The following RORA variants were observed in gnomAD, a reference collection of about 807,000 sequenced individuals.
RORA encodes nuclear receptor ROR-alpha.
In RORA, 7 loss-of-function variants were observed where a neutral mutation model predicts 69.5. The ratio of observed to expected loss-of-function variants is 0.10; its 90% CI spans 0.06 to 0.19. The LOEUF (loss-of-function observed/expected upper bound fraction) is 0.19, where lower values mean the gene tolerates loss of function less well. RORA is among the 10% of genes least tolerant of loss of function. The probability of loss-of-function intolerance (pLI) is 1.00; values close to 1 mark genes in which losing one functional copy is unlikely to be tolerated. For missense variants in RORA, 457 were observed against 663.0 expected (o/e 0.69, Z 3.41); for synonymous variants, 261 against 240.8 (o/e 1.08, Z -0.78).
chr15:60,756,221 G>C (rs1296962269), intron 1 of RORA, among the ~76,000 whole-genome samples: 1 of 152,222 alleles, frequency 6.6e-6, no homozygotes, highest in Non-Finnish European at 1.5e-5. Flanking sequence ...AGCAGAGTTT[G>C]GCATCACCTA....
At chr15:61,078,766 G>GCTATCTAT (rs148557298) in intron 1 of RORA, among the ~76,000 whole-genome samples, 1,686 of 150,306 alleles carry the variant, frequency 0.011, 22 homozygotes, top group African/African-American at 0.016. Context: ...GGAGGGTATG[G>GCTATCTAT]CTATCTATCT....
chr15:60,604,376 C>T (rs1264040182), intron 2 of RORA, among the ~76,000 whole-genome samples: 2 of 152,150 alleles, frequency 1.3e-5, no homozygotes, highest in Admixed American at 6.5e-5. Flanking sequence ...TTTGTAAACA[C>T]AAAATCCTCC....
At chr15:60,620,651 C>T (rs1461112307) in intron 2 of RORA, among the ~76,000 whole-genome samples, 1 of 152,198 alleles carries the variant, frequency 6.6e-6, no homozygotes, top group African/African-American at 2.4e-5. Context: ...GTGACAGTAT[C>T]TTCCAGGAGA....
At chr15:61,123,294 G>A (rs759979196) in intron 1 of RORA, among the ~76,000 whole-genome samples, 1 of 152,070 alleles carries the variant, frequency 6.6e-6, no homozygotes, top group Non-Finnish European at 1.5e-5. Context: ...TGAGGCGAGG[G>A]GGGAGCAGGG....
At chr15:60,822,257 A>G (rs2072902846) in intron 1 of RORA, among the ~76,000 whole-genome samples, 1 of 152,200 alleles carries the variant, frequency 6.6e-6, no homozygotes, top group African/African-American at 2.4e-5. Context: ...TTGCAAAGGA[A>G]GAAGTTGTAG....
intron 1 of RORA, among the ~76,000 whole-genome samples, chr15:60,968,696 T>G (rs1240497023): frequency 6.6e-6 from 1 of 152,196 alleles, no homozygotes; most frequent in Non-Finnish European, 1.5e-5. Flanking sequence ...ACTGAGCCAT[T>G]TGAGAGTAAT....
At chr15:61,218,995 T>C (rs918166975) in intron 1 of RORA, among the ~76,000 whole-genome samples, 1 of 152,186 alleles carries the variant, frequency 6.6e-6, no homozygotes, top group Non-Finnish European at 1.5e-5. Flanking sequence ...GCACTAAGCA[T>C]GAGATGCTCA....
chr15:61,013,248 ATCT>A (rs570914703), intron 1 of RORA, among the ~76,000 whole-genome samples: 6 of 152,364 alleles, frequency 3.9e-5, no homozygotes, highest in South Asian at 4.1e-4. Flanking sequence ...AGCTCGTCAC[ATCT>A]TCTTGTAAAT....
At chr15:61,126,308 T>C (rs2079142096) in intron 1 of RORA, among the ~76,000 whole-genome samples, 1 of 152,358 alleles carries the variant, frequency 6.6e-6, no homozygotes, top group Admixed American at 6.5e-5. Flanking sequence ...GTACACATGG[T>C]GAAATGATTA....
rs1374036770 is a variant in RORA at position 60,665,765 on chromosome 15, C to G, written c.196+12892G>C. On this transcript the variant is annotated intron_variant, in intron 2 of 10. Transcript: ENST00000335670. ...TCTCAGCTCACTGCAACCTCCATCT[C>G]CCGGGTTCAAGCAATTCTCGTGCCT... Among the ~76,000 whole-genome samples the G allele has an allele frequency of 4.6e-5, 7 of 152,226 alleles. No homozygotes were observed. In the South Asian group the frequency reaches 1.5e-3, roughly 32 times the overall value.
At chr15:60,919,303 G>A (rs1306390797) in intron 1 of RORA, among the ~76,000 whole-genome samples, 4 of 152,196 alleles carry the variant, frequency 2.6e-5, no homozygotes, top group Non-Finnish European at 5.9e-5. Context: ...AACTGCAGGA[G>A]ACCCCTCGTT....
chr15:61,222,851 T>G (rs977954095), intron 1 of RORA, among the ~76,000 whole-genome samples: 1 of 152,220 alleles, frequency 6.6e-6, no homozygotes, highest in African/African-American at 2.4e-5. Context: ...TAGAGTTTCC[T>G]AACTTTCAGG....
chr15:60,744,362 T>C (rs150265413), intron 1 of RORA, among the ~76,000 whole-genome samples: 4,131 of 152,314 alleles, frequency 0.027, 126 homozygotes, highest in African/African-American at 0.071. Flanking sequence ...TAGAAACAGC[T>C]GTGTCGTTTG....
chr15:60,742,898 G>C (rs561371709), intron 1 of RORA, among the ~76,000 whole-genome samples: 1 of 152,014 alleles, frequency 6.6e-6, no homozygotes, highest in Non-Finnish European at 1.5e-5. Flanking sequence ...TTATTTGATG[G>C]ACACTTAGGT....
rs1373507739 is a variant in RORA at position 60,531,694 on chromosome 15, T to C, written c.282+72A>G. 2.5e-6 allele frequency: 2 copies of C among 787,160 alleles called. No homozygotes were observed. Among genetic ancestry groups the C allele is most frequent in the East Asian group, 5.9e-5 (2 of 34,106 alleles). 48.8% of individuals were successfully genotyped at this position (787,160 alleles called of 1,614,324 possible). A position where few individuals can be genotyped will look rare whatever the true frequency, so the allele number is the denominator to read the frequency against. The stretch of plus-strand genomic sequence containing the variant: ...AAGGAGTTGAATTTTAAGACATAAG[T>C]GGAGACATACAAATCACAAAGATAT... On this transcript the variant is annotated intron_variant, in intron 3 of 10. Coordinates refer to ENST00000335670, the MANE Select transcript of RORA (RefSeq NM_134261.3). The surrounding 1 kb of genome is among the most constrained non-coding windows in gnomAD (Gnocchi z 4.8).
At chr15:60,720,463 A>G (rs760209425) in intron 1 of RORA, among the ~76,000 whole-genome samples, 23 of 152,354 alleles carry the variant, frequency 1.5e-4, no homozygotes, top group Non-Finnish European at 2.8e-4. Flanking sequence ...GTCACCTTTT[A>G]TCAAGGGTAC....
At chr15:61,026,542 C>T (rs1416506680) in intron 1 of RORA, among the ~76,000 whole-genome samples, 3 of 152,036 alleles carry the variant, frequency 2.0e-5, no homozygotes, top group African/African-American at 7.2e-5. Flanking sequence ...CAATCTTTGA[C>T]ACTATTTTAT....
chr15:61,099,208 C>G (rs2078842718), intron 1 of RORA, among the ~76,000 whole-genome samples: 1 of 152,182 alleles, frequency 6.6e-6, no homozygotes, highest in South Asian at 2.1e-4. Flanking sequence ...CTGTTCATAA[C>G]TGACTGTTTA....
At chr15:60,774,117 A>G (rs1436320608) in intron 1 of RORA, among the ~76,000 whole-genome samples, 5 of 152,140 alleles carry the variant, frequency 3.3e-5, no homozygotes, top group African/African-American at 1.2e-4. Context: ...CCTGACTCAG[A>G]CTGGAGGACC....
Sources: gnomAD v4.1 joint callset for allele counts (sites outside exome capture counted in the v4.1 genomes callset) on GRCh38, gnomAD v4.1.1 for gene constraint, Gnocchi (gnomAD v3.1) non-coding constraint, MANE v1.5 for transcripts, NCBI Gene and HGNC (gene_info 2026-07-23, HGNC 2026-07-21) for gene names.